Variants in HPS3 observed in about 807,000 individuals in gnomAD.
The protein encoded by HPS3 is BLOC-2 complex member HPS3.
In HPS3, 79 loss-of-function variants were observed where a neutral mutation model predicts 110.9. The observed-to-expected ratio is 0.71, with a 90% CI of 0.59 to 0.86. The LOEUF (loss-of-function observed/expected upper bound fraction) is 0.86, where lower values mean the gene tolerates loss of function less well. Among genes scored for constraint, HPS3 ranks in the 40% least tolerant of loss-of-function variants. The probability of loss-of-function intolerance (pLI) is 0.00; values close to 1 mark genes in which losing one functional copy is unlikely to be tolerated. For synonymous variants in HPS3, 428 were observed against 451.0 expected (o/e 0.95, Z 0.65); for missense variants, 1,197 against 1,206.2 (o/e 0.99, Z 0.11).
In HPS3 at chr3:149,161,691, G is replaced by GTCC; in HGVS notation, c.2107-456_2107-455insCCT. Among the ~76,000 whole-genome samples the GTCC allele has an allele frequency of 3.3e-5, 5 of 151,806 alleles. No individual in the cohort carries two copies. In the Middle Eastern group the frequency reaches 0.017, roughly 520 times the overall value. ...TGCTTGGCTAATTTTTGTATTTTTAGTAGAGATGGGGTTTTACCATGTTGG... is the reference window on the plus strand; with the variant it reads ...TGCTTGGCTAATTTTTGTATTTTTAGTCCTAGAGATGGGGTTTTACCATGTTGG... On this transcript the variant is annotated intron_variant, in intron 11 of 16. Coordinates refer to ENST00000296051, the MANE Select transcript of HPS3 (RefSeq NM_032383.5).
intron 14 of HPS3, among the ~76,000 whole-genome samples, chr3:149,165,110 T>C (rs959434280): frequency 3.9e-5 from 6 of 152,212 alleles, no homozygotes; most frequent in African/African-American, 1.4e-4. Flanking sequence ...TTGTCTCTAG[T>C]ACTATTGTGA....
chr3:149,129,976 C>T (rs1414093561), intron 1 of HPS3, 36 bp downstream of exon 1: 1 of 1,516,628 alleles, frequency 6.6e-7, no homozygotes, highest in Admixed American at 2.0e-5. Context: ...CGCCTGGGGT[C>T]CAGCTTGAGG....
chr3:149,136,183 C>T (rs918659039), intron 1 of HPS3, among the ~76,000 whole-genome samples: 11 of 143,810 alleles, frequency 7.6e-5, no homozygotes, highest in African/African-American at 2.6e-4. Context: ...TATACACACA[C>T]ACATTATAAT....
intron 2 of HPS3, 49 bp from the exon 3 acceptor site, chr3:149,140,968 A>C: frequency 2.0e-6 from 3 of 1,537,490 alleles, no homozygotes; most frequent in Non-Finnish European, 2.7e-6. Flanking sequence ...AGGATGTTGT[A>C]AAATCTAATT....
intron 1 of HPS3, among the ~76,000 whole-genome samples, chr3:149,131,420 C>T (rs1220902685): frequency 1.3e-5 from 2 of 152,152 alleles, no homozygotes; most frequent in East Asian, 3.8e-4. Flanking sequence ...TCTTGAGTCA[C>T]ATTTTGATAG....
Position 149,141,057 on chromosome 3 carries a change from TGTCATCTGCCAGAA to T in HPS3, c.755_768del (p.Val252AlafsTer7), listed in dbSNP as rs1251192537. 6.2e-7 allele frequency: 1 copy of T among 1,613,874 alleles called. No individual in the cohort carries two copies. Among genetic ancestry groups the T allele is most frequent in the Non-Finnish European group, 8.5e-7 (1 of 1,179,892 alleles). On this transcript the variant is annotated frameshift_variant, in exon 3 of 17. Coordinates refer to ENST00000296051, the MANE Select transcript of HPS3 (RefSeq NM_032383.5). LOFTEE classifies it high-confidence loss of function. ...TTTCACAGCTTGAGTCAGATGATTT[TGTCATCTGCCAGAA>T]GCCCCTGGAACTTCTTGGTGAAAAA...
At chr3:149,153,100 C>T (rs1723234273) in intron 6 of HPS3, among the ~76,000 whole-genome samples, 2 of 152,204 alleles carry the variant, frequency 1.3e-5, no homozygotes, top group South Asian at 4.1e-4. Flanking sequence ...TTTGGGCGTA[C>T]CCCCAACCAT....
In HPS3 at chr3:149,150,631, G is replaced by T. The variant is rs886058078; in HGVS notation, c.1196G>T (p.Ser399Ile). The T allele has an allele frequency of 1.9e-6, 3 of 1,614,134 alleles. No homozygotes were observed. Among genetic ancestry groups the T allele is most frequent in the Non-Finnish European group, 2.5e-6 (3 of 1,179,990 alleles). ...CTGCAGTGTTTCACTGTGCGGTGCA[G>T]TGCGGCGGCAGCTCGTGAGGAGGAC... ...NNLQCFTVRCSAAAAREEDPY... is the reference protein window; with the variant it reads ...NNLQCFTVRCIAAAAREEDPY... The change falls in exon 6 of 17, where the codon AGT (serine) becomes ATT (isoleucine). Residue 399 changes from serine to isoleucine, a missense_variant. Coordinates refer to ENST00000296051, the MANE Select transcript of HPS3 (RefSeq NM_032383.5).
intron 1 of HPS3, among the ~76,000 whole-genome samples, chr3:149,139,350 GAGAA>G (rs1183627162): frequency 1.3e-5 from 2 of 152,182 alleles, no homozygotes; most frequent in African/African-American, 2.4e-5. Flanking sequence ...GTTTATATGA[GAGAA>G]AGGTGTTGAA....
intron 9 of HPS3, among the ~76,000 whole-genome samples, chr3:149,158,033 A>C (rs1723564005): frequency 1.3e-5 from 2 of 152,192 alleles, no homozygotes; most frequent in South Asian, 4.1e-4. Flanking sequence ...ATCATTAGAG[A>C]GGTATGACTA....
chr3:149,140,863 A>C (rs1278748810), intron 2 of HPS3, among the ~76,000 whole-genome samples, 154 bp from the exon 3 acceptor site: 2 of 152,244 alleles, frequency 1.3e-5, no homozygotes, highest in Non-Finnish European at 2.9e-5. Flanking sequence ...TGTGGAGATT[A>C]AATGAGCAAG....
Position 149,172,962 on chromosome 3 carries a change from C to G in HPS3, c.*740C>G, listed in dbSNP as rs980448103. On this transcript the variant is annotated 3_prime_UTR_variant, in exon 17 of 17. Transcript: ENST00000296051. ...AAGAAATACATCATTGTATTCACAA[C>G]CATGTGTCTTCATTTATAACTTTTT... is the stretch of plus-strand genomic sequence containing the variant. 1 of 152,524 alleles carries G rather than the reference C, an allele frequency of 6.6e-6. No homozygotes were observed. The highest frequency in any genetic ancestry group is 2.4e-5 in the African/African-American group (1 of 41,402). 9.4% of individuals were successfully genotyped at this position (152,524 alleles called of 1,614,324 possible).
intron 15 of HPS3, 22 bp downstream of exon 15, chr3:149,167,262 T>G: frequency 6.3e-7 from 1 of 1,577,936 alleles, no homozygotes; most frequent in Non-Finnish European, 8.7e-7. Flanking sequence ...CAGATTATGT[T>G]TTTAGGCTTG....
At chr3:149,142,451 T>C (rs530686356) in intron 4 of HPS3, among the ~76,000 whole-genome samples, 2 of 152,298 alleles carry the variant, frequency 1.3e-5, no homozygotes, top group South Asian at 2.1e-4. Context: ...TTTTAAGATA[T>C]TGATACTCAG....
At position 149,167,218 on chromosome 3, in the gene HPS3, AT is replaced by A. The variant is rs1724514529; in HGVS notation, c.2775del (p.His925GlnfsTer3). 1.9e-6 allele frequency: 3 copies of A among 1,613,362 alleles called. No homozygotes were observed. In the South Asian group the frequency reaches 3.3e-5, roughly 18 times the overall value. ...CPEAVIPYANHELKEENRTLW... is the reference protein window; with the variant it reads ...CPEAVIPYANXELKEENRTLW... Reference sequence around the variant, plus strand: ...GAGGCAGTCATTCCATATGCTAATCATGAACTGAAAGAAGAGAACCGGGTAT... The same window carrying A: ...GAGGCAGTCATTCCATATGCTAATCAGAACTGAAAGAAGAGAACCGGGTAT... On this transcript the variant is annotated frameshift_variant, in exon 15 of 17. Coordinates refer to ENST00000296051, the MANE Select transcript of HPS3 (RefSeq NM_032383.5). LOFTEE classifies it high-confidence loss of function.
chr3:149,134,329 C>A (rs1364959746), intron 1 of HPS3, among the ~76,000 whole-genome samples: 2 of 152,178 alleles, frequency 1.3e-5, no homozygotes, highest in Non-Finnish European at 2.9e-5. Flanking sequence ...AAGAGTTCTA[C>A]TGAGTAACAA....
At chr3:149,139,613 T>G (rs1173525840) in intron 1 of HPS3, among the ~76,000 whole-genome samples, 1 of 152,236 alleles carries the variant, frequency 6.6e-6, no homozygotes, top group Non-Finnish European at 1.5e-5. Flanking sequence ...AAATGTAAAT[T>G]CTGCTAATCT....
At chr3:149,159,566 G>A (rs1248229424) in intron 10 of HPS3, among the ~76,000 whole-genome samples, 1 of 152,046 alleles carries the variant, frequency 6.6e-6, no homozygotes, top group Non-Finnish European at 1.5e-5. Context: ...CTGTCTTAGA[G>A]AGAAAAAAGA....
chr3:149,170,771 C>T (rs1724893978), intron 16 of HPS3, among the ~76,000 whole-genome samples: 1 of 152,158 alleles, frequency 6.6e-6, no homozygotes, highest in African/African-American at 2.4e-5. Flanking sequence ...TTCACTTACT[C>T]TGCAAATAGA....
Sources: gnomAD v4.1 joint callset for allele counts (sites outside exome capture counted in the v4.1 genomes callset) on GRCh38, gnomAD v4.1.1 for gene constraint, MANE v1.5 for transcripts, NCBI Gene and HGNC (gene_info 2026-07-23, HGNC 2026-07-21) for gene names.